Variants in TNFSF11 observed in about 807,000 individuals in gnomAD.
TNFSF11 encodes the protein tumor necrosis factor ligand superfamily member 11.
In TNFSF11, 12 loss-of-function variants were observed where a neutral mutation model predicts 32.2. The observed-to-expected ratio is 0.37, with a 90% confidence interval of 0.24 to 0.60. The LOEUF (loss-of-function observed/expected upper bound fraction) is 0.60. Among genes scored for constraint, TNFSF11 ranks in the 20% least tolerant of loss-of-function variants. The pLI is 0.66. For missense variants in TNFSF11, 345 were observed against 398.0 expected, an observed-to-expected ratio of 0.87 and a Z score of 1.13; for synonymous variants, 172 against 152.1, an observed-to-expected ratio of 1.13 and a Z score of -0.96.
rs181634992 is a variant in TNFSF11, at chr13:42,574,656, G to A, written c.219+134G>A. On this transcript the variant is annotated intron_variant, in intron 1 of 4. Transcript: ENST00000398795. Reference sequence around the variant, plus strand: ...TCCGGAAGGGAAAGTGACTCCAGAAGGGAGAGAGGAAGTGTTGAGTTTGGG... The same window carrying A: ...TCCGGAAGGGAAAGTGACTCCAGAAAGGAGAGAGGAAGTGTTGAGTTTGGG... 2.7e-3 allele frequency: 3,125 copies of A among 1,157,868 alleles called. 7 individuals are homozygous for A. The highest frequency in any genetic ancestry group is 3.4e-3 in the Non-Finnish European group (2,724 of 805,420). 71.7% of individuals were successfully genotyped at this position (1,157,868 alleles called of 1,614,324 possible).
chr13:42,586,394 CT>C (rs1376490662), intron 2 of TNFSF11, among the ~76,000 whole-genome samples: 1 of 152,174 alleles, frequency 6.6e-6, no homozygotes, highest in Non-Finnish European at 1.5e-5. Context: ...AAGCCTTGTT[CT>C]TATTTATACG....
chr13:42,595,662 C>T (rs1045297147), intron 2 of TNFSF11, among the ~76,000 whole-genome samples: 1 of 152,190 alleles, frequency 6.6e-6, no homozygotes, highest in African/African-American at 2.4e-5. Flanking sequence ...GCGTAGGTAA[C>T]ATGTGGTTGT....
intron 1 of TNFSF11, among the ~76,000 whole-genome samples, chr13:42,578,733 G>A (rs141301914): frequency 5.1e-4 from 78 of 152,248 alleles, no homozygotes; most frequent in African/African-American, 1.7e-3. Context: ...AGTGAGGGGT[G>A]GGGTAGGAAT....
chr13:42,570,908 T>C (rs1873042824), upstream of TNFSF11, among the ~76,000 whole-genome samples: 2 of 152,238 alleles, frequency 1.3e-5, no homozygotes, highest in Admixed American at 6.5e-5. Flanking sequence ...GACCCTAGTA[T>C]TATAAGATTC....
chr13:42,599,202 G>T (rs959886525), intron 2 of TNFSF11, among the ~76,000 whole-genome samples: 20 of 152,144 alleles, frequency 1.3e-4, no homozygotes, highest in African/African-American at 4.8e-4. Context: ...TAAAAACAAC[G>T]TAGATTCTTA....
intron 4 of TNFSF11, among the ~76,000 whole-genome samples, chr13:42,603,278 A>T (rs1370195299): frequency 1.3e-5 from 2 of 152,176 alleles, no homozygotes; most frequent in Non-Finnish European, 2.9e-5. Context: ...GGCTTTCTTT[A>T]GGAGGATACT....
upstream of TNFSF11, among the ~76,000 whole-genome samples, chr13:42,573,581 C>T (rs1031257886): frequency 6.6e-6 from 1 of 152,162 alleles, no homozygotes; most frequent in African/African-American, 2.4e-5. Context: ...AGGCTCTCTA[C>T]TGCCACATTC....
upstream of TNFSF11, among the ~76,000 whole-genome samples, chr13:42,569,463 G>C (rs1872978808): frequency 6.6e-6 from 1 of 151,708 alleles, no homozygotes; most frequent in Non-Finnish European, 1.5e-5. Flanking sequence ...CAGGAGAATG[G>C]CGTGAACCCA....
chr13:42,606,996 A>G lies in TNFSF11; in HGVS notation c.*78A>G. 4 of 1,578,772 alleles carry G rather than the reference A, an allele frequency of 2.5e-6. No homozygotes were observed. Among genetic ancestry groups the G allele is most frequent in the Non-Finnish European group, 3.5e-6 (4 of 1,153,560 alleles). Reference sequence around the variant, plus strand: ...AAAACAAGCCAAGAAAGATGTATATAGGTGTGTGAGACTACTAAGAGGCAT... The same window carrying G: ...AAAACAAGCCAAGAAAGATGTATATGGGTGTGTGAGACTACTAAGAGGCAT... On this transcript the variant is annotated 3_prime_UTR_variant, in exon 5 of 5. Transcript: ENST00000398795.
chr13:42,601,024 C>T (rs766212835), intron 4 of TNFSF11, 43 bp downstream of exon 4: 2 of 1,602,832 alleles, frequency 1.2e-6, no homozygotes, highest in South Asian at 2.2e-5. Context: ...TTTTAAGAGT[C>T]ATTTATCAGC....
intron 2 of TNFSF11, among the ~76,000 whole-genome samples, chr13:42,568,847 G>A (rs1872957707): frequency 6.6e-6 from 1 of 152,162 alleles, no homozygotes; most frequent in Non-Finnish European, 1.5e-5. Flanking sequence ...ATTAGCATGA[G>A]GGGCTGCATA....
At chr13:42,575,990 TAAG>T (rs1157007060) in intron 1 of TNFSF11, among the ~76,000 whole-genome samples, 1 of 152,254 alleles carries the variant, frequency 6.6e-6, no homozygotes, top group African/African-American at 2.4e-5. Flanking sequence ...TGGAATGAGT[TAAG>T]AATCATTTAT....
chr13:42,571,354 T>A (rs989500595), upstream of TNFSF11, among the ~76,000 whole-genome samples: 1 of 137,816 alleles, frequency 7.3e-6, no homozygotes, highest in Non-Finnish European at 1.6e-5. Context: ...ATTGGAGAGT[T>A]TTATTTTTAT....
rs1873577449 is a variant in TNFSF11, at chr13:42,580,991, T to C, written c.220-135T>C. 9.1e-6 allele frequency: 8 copies of C among 883,134 alleles called. No individual in the cohort carries two copies. The South Asian group carries it at 1.0e-4, about 11-fold the overall frequency. The allele number at this position is 883,134 out of a possible 1,614,324, so 54.7% of individuals were successfully genotyped here. ...AACGTTTTCACCATCTTGAGGTTCA[T>C]TGTATTAACTATTCATTGTTGGGGA... On this transcript the variant is annotated intron_variant, in intron 1 of 4. Transcript: ENST00000398795.
Position 42,591,824 on chromosome 13 carries a change from G to A in TNFSF11, c.388-8928G>A, listed in dbSNP as rs74058714. ...CCAAGAATGCCGTGGAAATAAGAGCGTTGCAATTAAGGATGAGCTATTGAT... is the reference window on the plus strand; with the variant it reads ...CCAAGAATGCCGTGGAAATAAGAGCATTGCAATTAAGGATGAGCTATTGAT... On this transcript the variant is annotated intron_variant, in intron 2 of 4. Coordinates refer to ENST00000398795, the MANE Select transcript of TNFSF11 (RefSeq NM_003701.4). Among the ~76,000 whole-genome samples, 390 of 152,298 alleles carry A rather than the reference G, an allele frequency of 2.6e-3. 2 individuals are homozygous for A. Among genetic ancestry groups the A allele is most frequent in the African/African-American group, 8.7e-3 (362 of 41,558 alleles).
At chr13:42,599,346 T>TATCTATCTATC (rs1393556143) in intron 2 of TNFSF11, among the ~76,000 whole-genome samples, 27 of 93,820 alleles carry the variant, frequency 2.9e-4, no homozygotes, top group African/African-American at 9.9e-4. Flanking sequence ...TCTATCTATC[T>TATCTATCTATC]ATCATCTATC....
chr13:42,563,705 C>T (rs1872767149), intron 1 of TNFSF11, among the ~76,000 whole-genome samples: 1 of 151,112 alleles, frequency 6.6e-6, no homozygotes, highest in African/African-American at 2.4e-5. Context: ...TGAAACCTAC[C>T]TGAGATTTCC....
intron 2 of TNFSF11, among the ~76,000 whole-genome samples, chr13:42,569,059 G>A (rs997745200): frequency 6.6e-6 from 1 of 152,104 alleles, no homozygotes; most frequent in African/African-American, 2.4e-5. Flanking sequence ...AAGTGGGTTC[G>A]CTTTCCCACA....
At chr13:42,568,186 T>C (rs889990518) in intron 2 of TNFSF11, among the ~76,000 whole-genome samples, 37 of 152,244 alleles carry the variant, frequency 2.4e-4, no homozygotes, top group Middle Eastern at 3.2e-3. Flanking sequence ...TGTTTGCTTA[T>C]CATGCATGCT....
Sources: gnomAD v4.1 joint callset for allele counts (sites outside exome capture counted in the v4.1 genomes callset) on GRCh38, gnomAD v4.1.1 for gene constraint, MANE v1.5 for transcripts, NCBI Gene and HGNC (gene_info 2026-07-23, HGNC 2026-07-21) for gene names.